Variants in LANCL3 observed in about 807,000 individuals in gnomAD.
LANCL3 encodes lanC-like protein 3.
Under a neutral mutation model 26.5 loss-of-function variants are expected in LANCL3, and 19 were observed. The observed-to-expected ratio is 0.72, with a 90% CI of 0.50 to 1.05. The LOEUF (loss-of-function observed/expected upper bound fraction) is 1.05, where lower values mean the gene tolerates loss of function less well. Among genes scored for constraint, LANCL3 ranks in the 50% least tolerant of loss-of-function variants. The pLI is 0.00. For synonymous variants in LANCL3, 160 were observed against 166.6 expected, an observed-to-expected ratio of 0.96 and a Z score of 0.30; for missense variants, 318 against 362.7, an observed-to-expected ratio of 0.88 and a Z score of 1.00.
chrX:37,656,267 T>G (rs1229488615), intron 2 of LANCL3, among the ~76,000 whole-genome samples: 3 of 109,497 alleles, frequency 2.7e-5, no homozygotes, highest in Non-Finnish European at 3.8e-5. Context: ...AAAAGGGAAA[T>G]TAGTTACTCT....
At chrX:37,626,253 T>A (rs1925312662) in intron 1 of LANCL3, among the ~76,000 whole-genome samples, 1 of 112,185 alleles carries the variant, frequency 8.9e-6, no homozygotes, top group Admixed American at 9.4e-5. Flanking sequence ...TCTGAGTTGG[T>A]GTAAAGATAG....
intron 1 of LANCL3, among the ~76,000 whole-genome samples, chrX:37,583,600 A>G (rs1329451190): frequency 8.9e-6 from 1 of 111,834 alleles, no homozygotes; most frequent in Non-Finnish European, 1.9e-5. Context: ...GAGTTCACTC[A>G]TGATTTGGCT....
intron 1 of LANCL3, among the ~76,000 whole-genome samples, chrX:37,584,069 A>T (rs1235637617): frequency 8.9e-6 from 1 of 111,789 alleles, no homozygotes; most frequent in African/African-American, 3.3e-5. Context: ...GCATCTGTTG[A>T]GATAATCGTG....
intron 4 of LANCL3, among the ~76,000 whole-genome samples, chrX:37,670,295 C>T (rs1926649739): frequency 9.0e-6 from 1 of 111,600 alleles, no homozygotes; most frequent in Non-Finnish European, 1.9e-5. Context: ...TGCCATTTCT[C>T]TTTTAATTTT....
At chrX:37,660,771 TG>T (rs1222118736) in intron 3 of LANCL3, among the ~76,000 whole-genome samples, 2 of 111,345 alleles carry the variant, frequency 1.8e-5, no homozygotes, top group East Asian at 5.6e-4. Flanking sequence ...AATTTCATTT[TG>T]GGGGGTACAG....
At chrX:37,646,825 G>C (rs1483709519) in intron 1 of LANCL3, among the ~76,000 whole-genome samples, 1 of 111,264 alleles carries the variant, frequency 9.0e-6, no homozygotes, top group African/African-American at 3.3e-5. Context: ...CTGGAGGCCT[G>C]TTGTAAGACT....
intron 1 of LANCL3, among the ~76,000 whole-genome samples, chrX:37,578,004 C>G (rs1247712890): frequency 8.9e-6 from 1 of 111,958 alleles, no homozygotes; most frequent in East Asian, 2.8e-4. Context: ...AGGATTGTTT[C>G]AGCAACTCAG....
At chrX:37,596,967 G>GTCAC (rs1370728886) in intron 1 of LANCL3, among the ~76,000 whole-genome samples, 2 of 111,904 alleles carry the variant, frequency 1.8e-5, no homozygotes, top group African/African-American at 6.5e-5. Context: ...GCCATTAACA[G>GTCAC]TCACTCCTCT....
At chrX:37,668,211 T>C (rs1330090270) in intron 4 of LANCL3, among the ~76,000 whole-genome samples, 1 of 107,224 alleles carries the variant, frequency 9.3e-6, no homozygotes, top group Non-Finnish European at 1.9e-5. Context: ...TTTGCACATG[T>C]ATAGGTATAT....
chrX:37,629,881 G>A (rs1398772682), intron 1 of LANCL3, among the ~76,000 whole-genome samples: 6 of 110,959 alleles, frequency 5.4e-5, no homozygotes, highest in Admixed American at 1.9e-4. Context: ...GTCAGGTAGC[G>A]TGATGCCTCC....
chrX:37,591,714 G>T (rs1895553025), intron 1 of LANCL3, among the ~76,000 whole-genome samples: 1 of 88,131 alleles, frequency 1.1e-5, no homozygotes, highest in African/African-American at 5.8e-5. Flanking sequence ...TACCAGTAAT[G>T]AGCTCCAGCT....
intron 2 of LANCL3, among the ~76,000 whole-genome samples, chrX:37,657,374 A>G (rs1926309581): frequency 1.8e-5 from 2 of 110,601 alleles, no homozygotes; most frequent in Non-Finnish European, 3.8e-5. Flanking sequence ...TTCTGGTTTT[A>G]TTTTTTGAGA....
intron 1 of LANCL3, among the ~76,000 whole-genome samples, chrX:37,576,475 T>C (rs1262026169): frequency 8.9e-6 from 1 of 111,746 alleles, no homozygotes; most frequent in African/African-American, 3.3e-5. Context: ...TCAGTTAAAA[T>C]AATAATTCTG....
At chrX:37,662,815 CTT>C (rs57561710) in intron 3 of LANCL3, among the ~76,000 whole-genome samples, 30 of 99,239 alleles carry the variant, frequency 3.0e-4, no homozygotes, top group South Asian at 4.5e-4. Flanking sequence ...CCCACCATTC[CTT>C]TTTTTTTTTT....
At chrX:37,612,722 A>G (rs1235189597) in intron 1 of LANCL3, among the ~76,000 whole-genome samples, 1 of 112,009 alleles carries the variant, frequency 8.9e-6, no homozygotes, top group Non-Finnish European at 1.9e-5. Flanking sequence ...TAGGTGCTGA[A>G]GATACAAAGA....
Position 37,680,669 on chromosome X carries a change from G to A in LANCL3, c.*4856G>A, listed in dbSNP as rs1556438590. 1 of 111,309 alleles carries A rather than the reference G, an allele frequency of 9.0e-6. No homozygotes were observed. The highest frequency in any genetic ancestry group is 1.9e-5 in the Non-Finnish European group (1 of 53,003). 9.2% of individuals were successfully genotyped at this position (111,309 alleles called of 1,213,427 possible). A position where few individuals can be genotyped will look rare whatever the true frequency, so the allele number is the denominator to read the frequency against. On this transcript the variant is annotated 3_prime_UTR_variant, in exon 5 of 5. Transcript: ENST00000378619. ...AACAGACTATCCTCTCTCTTTTTTT[G>A]TCTTTCTTCTCCCTGTCCAATACTG... is the stretch of plus-strand genomic sequence containing the variant.
chrX:37,650,509 A>T (rs1159734763), intron 1 of LANCL3, among the ~76,000 whole-genome samples: 1 of 103,387 alleles, frequency 9.7e-6, no homozygotes, highest in Non-Finnish European at 2.0e-5. Flanking sequence ...TATTCTAGTT[A>T]GGCTCTTTTT....
intron 4 of LANCL3, among the ~76,000 whole-genome samples, chrX:37,675,251 G>A (rs1488842298): frequency 1.8e-5 from 2 of 111,924 alleles, no homozygotes; most frequent in African/African-American, 6.5e-5. Context: ...CAGCTTAGAG[G>A]TAATGTCTGC....
At chrX:37,595,767 G>A (rs998532163) in intron 1 of LANCL3, among the ~76,000 whole-genome samples, 14 of 111,450 alleles carry the variant, frequency 1.3e-4, no homozygotes, top group African/African-American at 4.6e-4. Context: ...TATATTTCTG[G>A]ACCCTTATCT....
Sources: allele counts gnomAD v4.1 joint callset (sites outside exome capture counted in the v4.1 genomes callset), GRCh38; gene constraint gnomAD v4.1.1; transcripts MANE v1.5; gene names NCBI Gene and HGNC (gene_info 2026-07-23, HGNC 2026-07-21).